LUZP1: variants seen among roughly 807,000 people sequenced by gnomAD.
The protein encoded by LUZP1 is leucine zipper protein 1, also known as filamin mechanobinding actin cross-linking protein.
Under a neutral mutation model 71.3 loss-of-function variants are expected in LUZP1, and 25 were observed. The observed-to-expected ratio is 0.35, with a 90% CI of 0.26 to 0.49. LUZP1 has a LOEUF of 0.49. LUZP1 is among the 20% of genes least tolerant of loss of function. The probability of loss-of-function intolerance (pLI) is 0.99; values close to 1 mark genes in which losing one functional copy is unlikely to be tolerated. For synonymous variants in LUZP1, 481 were observed against 506.4 expected (o/e 0.95, Z 0.67); for missense variants, 1,142 against 1,300.8 (o/e 0.88, Z 1.88).
chr1:23,088,611 GT>G (rs1184169846), exon 5 of LUZP1: 1 of 323,140 alleles, frequency 3.1e-6, no homozygotes, highest in African/African-American at 2.1e-5. Context: ...ATCTTCCCTT[GT>G]TTGGGGGCCA....
At chr1:23,163,237 C>CA (rs36097785) in intron 2 of LUZP1, among the ~76,000 whole-genome samples, 3,272 of 44,662 alleles carry the variant, frequency 0.073, 165 homozygotes, top group East Asian at 0.35. Context: ...GAGACTCTCT[C>CA]AAAAAAAAAA....
At chr1:23,122,419 C>CT (rs1425572590) in intron 2 of LUZP1, among the ~76,000 whole-genome samples, 1 of 152,200 alleles carries the variant, frequency 6.6e-6, no homozygotes, top group Non-Finnish European at 1.5e-5. Context: ...AGGGCAGTGA[C>CT]TTAGCACGAG....
In LUZP1 at chr1:23,093,181, C is replaced by T; in HGVS notation, c.1081G>A (p.Glu361Lys). 3 of 1,614,140 alleles carry T rather than the reference C, an allele frequency of 1.9e-6. No individual in the cohort carries two copies. The highest frequency in any genetic ancestry group is 2.5e-6 in the Non-Finnish European group (3 of 1,180,024). The change falls in exon 4 of 5, where the codon GAA (glutamate) becomes AAA (lysine). Residue 361 changes from glutamate to lysine, a missense_variant. Physicochemically the swap from Glu to Lys is moderately conservative, Grantham distance 56. Coordinates refer to ENST00000302291, the Ensembl canonical transcript of LUZP1. The surrounding 1 kb of genome is among the most constrained non-coding windows in gnomAD (Gnocchi z 4.2). ...CCTTTGCTGGACAGGAAAGCATCTT[C>T]CCCTTCTACCTCTCCATTTTCTAAC...
intron 1 of LUZP1, among the ~76,000 whole-genome samples, chr1:23,170,659 G>A (rs554734348): frequency 6.6e-6 from 1 of 151,840 alleles, no homozygotes; most frequent in East Asian, 1.9e-4. Flanking sequence ...TAGAGACGGT[G>A]TTTCACCATG....
chr1:23,149,758 T>C (rs920187358), intron 2 of LUZP1, among the ~76,000 whole-genome samples: 1 of 151,902 alleles, frequency 6.6e-6, no homozygotes, highest in Admixed American at 6.6e-5. Flanking sequence ...GGTCACGAGA[T>C]CGAGATCAGC....
chr1:23,161,718 T>C (rs894382165), intron 2 of LUZP1, among the ~76,000 whole-genome samples: 3 of 152,112 alleles, frequency 2.0e-5, no homozygotes, highest in African/African-American at 7.2e-5. Flanking sequence ...CAGGGCATTA[T>C]AGGTCAAAAT....
At chr1:23,110,281 C>T (rs1321107121) in intron 2 of LUZP1, among the ~76,000 whole-genome samples, 1 of 152,156 alleles carries the variant, frequency 6.6e-6, no homozygotes, top group Non-Finnish European at 1.5e-5. Context: ...TTGAAACAAG[C>T]AGGCTTCTAC....
chr1:23,091,102 AC>A, intron 4 of LUZP1, 87 bp downstream of exon 3: 1 of 1,343,214 alleles, frequency 7.4e-7, no homozygotes, highest in Non-Finnish European at 1.0e-6. Flanking sequence ...ATCCTGGGTC[AC>A]ACAGGCCAGA....
chr1:23,135,801 G>A (rs990601546), intron 2 of LUZP1, among the ~76,000 whole-genome samples: 1 of 152,118 alleles, frequency 6.6e-6, no homozygotes, highest in Non-Finnish European at 1.5e-5. Flanking sequence ...ATATATGTTG[G>A]TTTTACTTGA....
At chr1:23,162,994 C>T (rs1439646170) in intron 2 of LUZP1, among the ~76,000 whole-genome samples, 1 of 152,038 alleles carries the variant, frequency 6.6e-6, no homozygotes, top group Non-Finnish European at 1.5e-5. Flanking sequence ...GTAATCCCAG[C>T]ACTTTTGGAG....
chr1:23,161,381 C>A (rs180673022), intron 2 of LUZP1, among the ~76,000 whole-genome samples: 67 of 152,284 alleles, frequency 4.4e-4, no homozygotes, highest in Admixed American at 7.2e-4. Flanking sequence ...GGCATGAAGG[C>A]AGCCATGCAA....
At chr1:23,121,016 AT>A (rs1644125301) in intron 2 of LUZP1, among the ~76,000 whole-genome samples, 1 of 152,214 alleles carries the variant, frequency 6.6e-6, no homozygotes, top group African/African-American at 2.4e-5. Flanking sequence ...TACCCAGAGT[AT>A]TTTATTATGT....
At chr1:23,091,106 A>C in intron 4 of LUZP1, 84 bp downstream of exon 3, 2 of 1,353,910 alleles carry the variant, frequency 1.5e-6, no homozygotes, top group South Asian at 2.9e-5. Context: ...TGGGTCACAC[A>C]GGCCAGAGCA....
Position 23,091,173 on chromosome 1 carries a change from G to A in LUZP1, c.3072+17C>T, listed in dbSNP as rs1449565584. On this transcript the variant is annotated intron_variant, in intron 4 of 4. Coordinates refer to ENST00000302291, the Ensembl canonical transcript of LUZP1. ...AGGGAGGGAGAAAAGAGAGAGGGGA[G>A]AGAGGCTGGAACTCACCATGCTTGC... The A allele has an allele frequency of 1.3e-6, 2 of 1,580,112 alleles. No individual in the cohort carries two copies. The highest frequency in any genetic ancestry group is 1.7e-6 in the Non-Finnish European group (2 of 1,164,188).
At chr1:23,083,708 T>TTGAG (rs147601206), downstream of LUZP1, 92 of 175,844 alleles carry the variant, frequency 5.2e-4, no homozygotes, top group East Asian at 0.012. Flanking sequence ...TTTTGTTCCT[T>TTGAG]TGAGTTGGAG....
chr1:23,101,026 C>A (rs1015697449), intron 3 of LUZP1, among the ~76,000 whole-genome samples: 6 of 152,072 alleles, frequency 3.9e-5, no homozygotes, highest in Non-Finnish European at 7.4e-5. Context: ...AGCATTTTTA[C>A]AAAATGAGGA....
At chr1:23,109,070 A>G (rs772957790) in exon 3 of LUZP1, 3 of 152,328 alleles carry the variant, frequency 2.0e-5, no homozygotes, top group South Asian at 4.2e-4. Flanking sequence ...GGCTCTCCCT[A>G]TGCTTGCTGT....
chr1:23,136,813 G>T (rs1364419712), intron 2 of LUZP1, among the ~76,000 whole-genome samples: 1 of 152,210 alleles, frequency 6.6e-6, no homozygotes, highest in Non-Finnish European at 1.5e-5. Context: ...GCTACTCAGG[G>T]AGGCTGAGAC....
intron 2 of LUZP1, among the ~76,000 whole-genome samples, chr1:23,127,014 A>G (rs1167154613): frequency 6.6e-6 from 1 of 152,248 alleles, no homozygotes; most frequent in African/African-American, 2.4e-5. Context: ...CAACAAAAGC[A>G]GCACACTGTA....
Sources: allele counts gnomAD v4.1 joint callset (sites outside exome capture counted in the v4.1 genomes callset), GRCh38; gene constraint gnomAD v4.1.1; non-coding constraint Gnocchi (gnomAD v3.1); transcripts MANE v1.5; gene names NCBI Gene and HGNC (gene_info 2026-07-23, HGNC 2026-07-21).